Variants in COL14A1 observed in about 807,000 individuals in gnomAD.
COL14A1 encodes the protein collagen alpha-1(XIV) chain.
COL14A1 carries 136 observed loss-of-function variants against 230.3 expected under a neutral mutation model. That is an observed-to-expected ratio of 0.59 (90% CI 0.51 to 0.68). The LOEUF is 0.68. Among genes scored for constraint, COL14A1 ranks in the 30% least tolerant of loss-of-function variants. COL14A1 has a pLI of 0.00. For synonymous variants in COL14A1, 792 were observed against 784.1 expected (o/e 1.01, Z -0.17); for missense variants, 1,976 against 2,215.8 (o/e 0.89, Z 2.17).
At chr8:120,280,674 C>T (rs376102357) in intron 29 of COL14A1, 37 bp from the exon 30 acceptor site, 33 of 1,601,558 alleles carry the variant, frequency 2.1e-5, no homozygotes, top group African/African-American at 5.4e-5. Flanking sequence ...GTGAAATATC[C>T]GAATTAGAGT....
chr8:120,193,979 A>C (rs571509754), intron 5 of COL14A1, among the ~76,000 whole-genome samples: 143 of 151,346 alleles, frequency 9.4e-4, no homozygotes, highest in African/African-American at 3.5e-3. Flanking sequence ...AGGAAAGGGA[A>C]CTCCCTGACC....
intron 12 of COL14A1, among the ~76,000 whole-genome samples, chr8:120,210,613 C>T (rs143855250): frequency 9.2e-5 from 14 of 152,104 alleles, no homozygotes; most frequent in African/African-American, 3.4e-4. Context: ...CATTTTAGTC[C>T]TCATTTTTAA....
chr8:120,147,224 G>T (rs949596422), intron 1 of COL14A1, among the ~76,000 whole-genome samples: 3 of 151,560 alleles, frequency 2.0e-5, no homozygotes, highest in African/African-American at 7.3e-5. Flanking sequence ...CATTGAAAAT[G>T]AACAATTTGG....
intron 9 of COL14A1, among the ~76,000 whole-genome samples, chr8:120,206,739 T>A (rs1817445410): frequency 1.3e-5 from 2 of 152,216 alleles, no homozygotes; most frequent in South Asian, 4.1e-4. Context: ...AAGTTTGGTA[T>A]CCTCGGAACT....
chr8:120,143,455 A>G (rs571978267), intron 1 of COL14A1, among the ~76,000 whole-genome samples: 1 of 151,978 alleles, frequency 6.6e-6, no homozygotes, highest in East Asian at 1.9e-4. Flanking sequence ...TGTGTCTGCT[A>G]AAAAAAATAT....
chr8:120,275,098 A>G (rs1469442598), intron 26 of COL14A1, among the ~76,000 whole-genome samples: 1 of 152,048 alleles, frequency 6.6e-6, no homozygotes, highest in Non-Finnish European at 1.5e-5. Flanking sequence ...AAAGTATACT[A>G]CAAGACCATA....
At chr8:120,335,966 C>T (rs889197038) in intron 42 of COL14A1, among the ~76,000 whole-genome samples, 6 of 152,160 alleles carry the variant, frequency 3.9e-5, no homozygotes, top group Admixed American at 6.5e-5. Flanking sequence ...CCTGACATGA[C>T]TCAAAGTAGC....
At chr8:120,334,528 A>T (rs1424054443) in intron 42 of COL14A1, among the ~76,000 whole-genome samples, 1 of 149,168 alleles carries the variant, frequency 6.7e-6, no homozygotes, top group Non-Finnish European at 1.5e-5. Context: ...ACCTAGAAAC[A>T]TATACTGAAA....
chr8:120,214,048 C>T (rs181450846), intron 13 of COL14A1: 12 of 272,258 alleles, frequency 4.4e-5, no homozygotes, highest in Admixed American at 1.1e-4. Context: ...CATCATGCTT[C>T]GTGGCTATGG....
At chr8:120,339,420 AG>A (rs1320714076) in intron 42 of COL14A1, among the ~76,000 whole-genome samples, 1 of 152,184 alleles carries the variant, frequency 6.6e-6, no homozygotes, top group Non-Finnish European at 1.5e-5. Context: ...CTTTCTCTGT[AG>A]AGGTTGGAAT....
intron 14 of COL14A1, among the ~76,000 whole-genome samples, chr8:120,222,218 C>G (rs1340379288): frequency 1.3e-5 from 2 of 152,132 alleles, no homozygotes; most frequent in Admixed American, 6.5e-5. Flanking sequence ...TAAGTGAATG[C>G]ATATAAAGCA....
intron 23 of COL14A1, among the ~76,000 whole-genome samples, chr8:120,257,999 A>T (rs1180621936): frequency 6.6e-6 from 1 of 152,228 alleles, no homozygotes; most frequent in East Asian, 1.9e-4. Flanking sequence ...ATTTCATCTA[A>T]GTCTATTAAC....
chr8:120,323,058 G>A (rs1367257246), intron 40 of COL14A1, among the ~76,000 whole-genome samples: 3 of 152,086 alleles, frequency 2.0e-5, no homozygotes, highest in African/African-American at 4.8e-5. Context: ...AACTTCTCCA[G>A]CATCTGTCTT....
intron 5 of COL14A1, among the ~76,000 whole-genome samples, chr8:120,171,665 G>A (rs1415003113): frequency 3.3e-5 from 5 of 152,028 alleles, no homozygotes; most frequent in Non-Finnish European, 7.4e-5. Flanking sequence ...TATCTTTGGG[G>A]TTCTGCTGCT....
At chr8:120,189,795 C>A (rs1816758642) in intron 5 of COL14A1, among the ~76,000 whole-genome samples, 1 of 151,944 alleles carries the variant, frequency 6.6e-6, no homozygotes, top group Non-Finnish European at 1.5e-5. Context: ...TCATTCATGT[C>A]CCTACAAAGG....
Position 120,318,072 on chromosome 8 carries a change from C to A in COL14A1, c.4659+2075C>A, listed in dbSNP as rs972553122. On this transcript the variant is annotated intron_variant, in intron 40 of 47. Transcript: ENST00000297848. ...TTGAAGGCAATATCATTTCAATGTG[C>A]AACACAAGCAGATGCCATTCACACA... 1.2e-4 allele frequency among the ~76,000 whole-genome samples: 18 copies of A among 152,094 alleles called. 1 individual carries two copies.
At chr8:120,180,023 T>TA (rs1360759579) in intron 5 of COL14A1, among the ~76,000 whole-genome samples, 1 of 152,192 alleles carries the variant, frequency 6.6e-6, no homozygotes, top group Non-Finnish European at 1.5e-5. Flanking sequence ...ACCCCTTCCT[T>TA]ACACCTTATA....
chr8:120,280,325 A>G (rs943951682), intron 29 of COL14A1, among the ~76,000 whole-genome samples: 2 of 152,204 alleles, frequency 1.3e-5, no homozygotes, highest in African/African-American at 4.8e-5. Flanking sequence ...ATGACAGTCT[A>G]TGTTTAAAAG....
Position 120,203,852 on chromosome 8 carries a change from C to G in COL14A1, c.1021C>G (p.Gln341Glu). The G allele has an allele frequency of 6.2e-7, 1 of 1,613,642 alleles. No homozygotes were observed. Among genetic ancestry groups the G allele is most frequent in the Non-Finnish European group, 8.5e-7 (1 of 1,179,764 alleles). The change falls in exon 9 of 48, where the codon CAG becomes GAG. Residue 341 changes from glutamine (Q) to glutamate (E), a missense_variant. Coordinates refer to ENST00000297848, the MANE Select transcript of COL14A1 (RefSeq NM_021110.4). The part of the protein sequence containing the change: ...TRTLCSRVEE[Q>E]DREIKASAHA... ...GACTCTCTGCTCTAGAGTGGAAGAA[C>G]AGGACAGAGAAATTAAAGGTAAAAT... is the stretch of plus-strand genomic sequence containing the variant.
Sources: allele counts gnomAD v4.1 joint callset (sites outside exome capture counted in the v4.1 genomes callset), GRCh38; gene constraint gnomAD v4.1.1; transcripts MANE v1.5; gene names NCBI Gene and HGNC (gene_info 2026-07-23, HGNC 2026-07-21).